Variants in TSHZ2 observed in about 807,000 individuals in gnomAD.
TSHZ2 encodes the protein teashirt homolog 2.
TSHZ2 carries 21 observed loss-of-function variants against 74.4 expected under a neutral mutation model. That is an observed-to-expected ratio of 0.28 (90% CI 0.20 to 0.41). The LOEUF (loss-of-function observed/expected upper bound fraction) is 0.41, where lower values mean the gene tolerates loss of function less well. TSHZ2 is among the 10% of genes least tolerant of loss of function. TSHZ2 has a pLI of 1.00. For missense variants in TSHZ2, 1,244 were observed against 1,293.5 expected (o/e 0.96, Z 0.59); for synonymous variants, 540 against 515.3 (o/e 1.05, Z -0.65).
At chr20:52,977,553 A>G (rs1345488485) in intron 1 of TSHZ2, among the ~76,000 whole-genome samples, 1 of 151,936 alleles carries the variant, frequency 6.6e-6, no homozygotes, top group African/African-American at 2.4e-5. Flanking sequence ...TATCTGAAAA[A>G]GGAAGGATAG....
chr20:52,981,344 C>T (rs1568702719), intron 1 of TSHZ2, among the ~76,000 whole-genome samples: 1 of 152,150 alleles, frequency 6.6e-6, no homozygotes, highest in Non-Finnish European at 1.5e-5. Context: ...TCTTATTCGG[C>T]CGCGTAAACT....
At chr20:53,131,576 C>T (rs531223295) in intron 1 of TSHZ2, among the ~76,000 whole-genome samples, 53 of 152,360 alleles carry the variant, frequency 3.5e-4, no homozygotes, top group Non-Finnish European at 5.7e-4. Flanking sequence ...CACTCCACGC[C>T]TCCTGCGTGT....
At chr20:53,097,863 C>T (rs1462444870) in intron 1 of TSHZ2, 1 of 152,248 alleles carries the variant, frequency 6.6e-6, no homozygotes, top group Non-Finnish European at 1.5e-5. Context: ...CTATGCTCCC[C>T]TGCTAGAACC....
chr20:53,067,508 G>A (rs1317924441), intron 1 of TSHZ2, among the ~76,000 whole-genome samples: 3 of 152,108 alleles, frequency 2.0e-5, no homozygotes, highest in Non-Finnish European at 4.4e-5. Flanking sequence ...AGCCCTCCTG[G>A]GCAGTGCAGC....
intron 1 of TSHZ2, among the ~76,000 whole-genome samples, chr20:53,004,358 CTAGTGAAG>C (rs1982558932): frequency 6.6e-6 from 1 of 152,144 alleles, no homozygotes; most frequent in Non-Finnish European, 1.5e-5. Context: ...AACTGATTCC[CTAGTGAAG>C]CTGAAATCGG....
intron 2 of TSHZ2, among the ~76,000 whole-genome samples, chr20:53,454,379 T>C (rs1388958806): frequency 6.6e-6 from 1 of 151,878 alleles, no homozygotes; most frequent in Non-Finnish European, 1.5e-5. Flanking sequence ...CTGGCCAATA[T>C]GGTGACACCC....
chr20:53,417,266 A>G (rs6022450), intron 2 of TSHZ2, among the ~76,000 whole-genome samples: 2,213 of 151,026 alleles, frequency 0.015, 63 homozygotes, highest in African/African-American at 0.05. Flanking sequence ...ACACACACAC[A>G]CACACACACA....
At chr20:53,186,092 G>A (rs1462902444) in intron 1 of TSHZ2, among the ~76,000 whole-genome samples, 5 of 152,136 alleles carry the variant, frequency 3.3e-5, no homozygotes, top group Non-Finnish European at 5.9e-5. Flanking sequence ...CCTATCACAC[G>A]CTCTTATTAA....
intron 1 of TSHZ2, among the ~76,000 whole-genome samples, chr20:52,981,872 T>C (rs1038881992): frequency 1.3e-5 from 2 of 152,222 alleles, no homozygotes; most frequent in Admixed American, 1.3e-4. Flanking sequence ...GGCAGTTATT[T>C]CTTGAGTTCC....
At chr20:53,403,574 G>A (rs964304412) in intron 2 of TSHZ2, among the ~76,000 whole-genome samples, 1 of 152,160 alleles carries the variant, frequency 6.6e-6, no homozygotes, top group Admixed American at 6.5e-5. Context: ...CCTCCTTCAT[G>A]TTCACGGATG....
In TSHZ2 at chr20:53,254,045, A is replaced by G; in HGVS notation, c.587A>G (p.Gln196Arg). ...AAACCCAGCCTGTTCAGCTCGGTGC[A>G]GTTGTACCGACAGAGCAGCAAGATG... ...VSKPSLFSSV[Q>R]LYRQSSKMCG... The change falls in exon 2 of 3, where the codon CAG becomes CGG. Residue 196 changes from glutamine to arginine, a missense_variant. Physicochemically the swap from Gln to Arg is conservative, Grantham distance 43. Coordinates refer to ENST00000371497, the MANE Select transcript of TSHZ2 (RefSeq NM_173485.6). 1 of 1,614,156 alleles carries G rather than the reference A, an allele frequency of 6.2e-7. No individual in the cohort carries two copies. The highest frequency in any genetic ancestry group is 1.1e-5 in the South Asian group (1 of 91,080).
rs55757948 is a variant in TSHZ2 at position 53,027,942 on chromosome 20, G to A, written c.40+54609G>A. Among the ~76,000 whole-genome samples the A allele has an allele frequency of 6.6e-3, 1,004 of 152,150 alleles. 8 individuals carry two copies. The highest frequency in any genetic ancestry group is 0.023 in the African/African-American group (968 of 41,498). On this transcript the variant is annotated intron_variant, in intron 1 of 2. Transcript: ENST00000371497. ...CACCAGGTAGAAACTTGATTGCAGC[G>A]ACACAGGACTGCAGTCAGGGGAAAA...
At chr20:53,384,977 C>T (rs1467672399) in intron 2 of TSHZ2, among the ~76,000 whole-genome samples, 7 of 151,968 alleles carry the variant, frequency 4.6e-5, no homozygotes, top group Admixed American at 2.0e-4. Flanking sequence ...AAAAATTAGC[C>T]GGGCATAGTG....
At chr20:53,276,829 C>G (rs1453768011) in intron 2 of TSHZ2, among the ~76,000 whole-genome samples, 1 of 152,198 alleles carries the variant, frequency 6.6e-6, no homozygotes, top group Non-Finnish European at 1.5e-5. Context: ...CTTTAAGTAC[C>G]TGGGCATGTT....
intron 2 of TSHZ2, among the ~76,000 whole-genome samples, chr20:53,422,405 G>A (rs1426656058): frequency 6.6e-6 from 1 of 152,116 alleles, no homozygotes; most frequent in Non-Finnish European, 1.5e-5. Context: ...ATTCTTATCA[G>A]ATCCATGTGG....
chr20:53,306,622 G>C (rs924383293), intron 2 of TSHZ2, among the ~76,000 whole-genome samples: 2 of 152,164 alleles, frequency 1.3e-5, no homozygotes, highest in Non-Finnish European at 2.9e-5. Flanking sequence ...ATGATTTGCC[G>C]ACATGGGGAA....
At chr20:53,234,393 G>A (rs148358956) in intron 1 of TSHZ2, among the ~76,000 whole-genome samples, 90 of 152,264 alleles carry the variant, frequency 5.9e-4, no homozygotes, top group African/African-American at 2.1e-3. Context: ...CCTCCATACA[G>A]CATCAAGCCA....
intron 2 of TSHZ2, among the ~76,000 whole-genome samples, chr20:53,374,535 A>G (rs1377666358): frequency 6.6e-6 from 1 of 152,168 alleles, no homozygotes; most frequent in Admixed American, 6.6e-5. Context: ...TTGAATAATA[A>G]TTTCATTATG....
chr20:53,019,654 TC>T, intron 1 of TSHZ2, among the ~76,000 whole-genome samples: 1 of 152,310 alleles, frequency 6.6e-6, no homozygotes, highest in African/African-American at 2.4e-5. Flanking sequence ...GAATATATAT[TC>T]CACCACTTTG....
Sources: gnomAD v4.1 joint callset for allele counts (sites outside exome capture counted in the v4.1 genomes callset) on GRCh38, gnomAD v4.1.1 for gene constraint, MANE v1.5 for transcripts, NCBI Gene and HGNC (gene_info 2026-07-23, HGNC 2026-07-21) for gene names.